The following PCDH15 variants were observed in gnomAD, a reference collection of about 807,000 sequenced individuals.
PCDH15 encodes the protein protocadherin-15.
In PCDH15, 129 loss-of-function variants were observed where a neutral mutation model predicts 178.5. That is an observed-to-expected ratio of 0.72 (90% CI 0.63 to 0.84). The LOEUF (loss-of-function observed/expected upper bound fraction) is 0.84. PCDH15 is among the 40% of genes least tolerant of loss of function. The pLI is 0.00. For synonymous variants in PCDH15, 800 were observed against 732.0 expected (o/e 1.09, Z -1.50); for missense variants, 2,230 against 2,099.9 (o/e 1.06, Z -1.21).
chr10:54,243,148 A>G (rs998078212), intron 8 of PCDH15, among the ~76,000 whole-genome samples: 10 of 152,162 alleles, frequency 6.6e-5, no homozygotes, highest in Admixed American at 5.9e-4. Context: ...ACATTTAAGT[A>G]GGTGCTTTTT....
chr10:54,125,170 T>C (rs188914672), intron 15 of PCDH15, among the ~76,000 whole-genome samples: 5 of 152,188 alleles, frequency 3.3e-5, no homozygotes, highest in Admixed American at 3.3e-4. Context: ...TCCCTTCAGG[T>C]AACTGGAGGT....
At chr10:55,361,936 AC>A (rs1845240134) in intron 2 of PCDH15, among the ~76,000 whole-genome samples, 1 of 152,084 alleles carries the variant, frequency 6.6e-6, no homozygotes, top group South Asian at 2.1e-4. Flanking sequence ...TATTACGTTT[AC>A]CATGGACCTT....
chr10:54,954,519 GA>G (rs553725816), intron 2 of PCDH15, among the ~76,000 whole-genome samples: 115 of 151,202 alleles, frequency 7.6e-4, no homozygotes, highest in African/African-American at 2.7e-3. Context: ...TTTTATGACA[GA>G]ACCTTGTCTT....
At chr10:55,207,180 T>C (rs1195950095) in intron 1 of PCDH15, among the ~76,000 whole-genome samples, 4 of 152,094 alleles carry the variant, frequency 2.6e-5, no homozygotes, top group African/African-American at 9.7e-5. Context: ...ATTTAGCACT[T>C]ACAACATGAT....
chr10:54,051,598 G>C lies in PCDH15; in HGVS notation c.2220+15159C>G, dbSNP rs894209531. On this transcript the variant is annotated intron_variant, in intron 18 of 37. Transcript: ENST00000644397. ...TTGTGGAAATTTCTAAGTGCCAAAG[G>C]GTTCAAGAGAAAACAGAGCATTAAA... Among the ~76,000 whole-genome samples, 5 of 152,116 alleles carry C rather than the reference G, an allele frequency of 3.3e-5. No individual in the cohort carries two copies. In the East Asian group the frequency reaches 5.8e-4, roughly 18 times the overall value.
At chr10:55,189,454 G>A (rs1164393242) in intron 1 of PCDH15, among the ~76,000 whole-genome samples, 1 of 151,716 alleles carries the variant, frequency 6.6e-6, no homozygotes, top group African/African-American at 2.4e-5. Flanking sequence ...TTGCTATAGA[G>A]ATAATTAAAT....
chr10:54,189,234 T>C, intron 11 of PCDH15: 1 of 596,240 alleles, frequency 1.7e-6, no homozygotes, highest in East Asian at 3.0e-5. Context: ...TTATATAAAG[T>C]ATTTGTAGAT....
chr10:53,827,694 T>TTG, intron 31 of PCDH15, 146 bp from the exon 32 acceptor site: 1 of 968,140 alleles, frequency 1.0e-6, no homozygotes, highest in Non-Finnish European at 1.6e-6. Context: ...ACAGATGTAA[T>TTG]TACAAAAGCA....
intron 23 of PCDH15, among the ~76,000 whole-genome samples, chr10:53,955,076 C>T (rs1406034632): frequency 6.6e-6 from 1 of 152,150 alleles, no homozygotes; most frequent in African/African-American, 2.4e-5. Context: ...GCATTCCTCT[C>T]CCCTAGTTAG....
chr10:55,358,304 A>G lies in PCDH15; in HGVS notation c.-155-191653T>C, dbSNP rs1034900629. The stretch of plus-strand genomic sequence containing the variant: ...ATTTGAATGATTTGCATGATTCTCT[A>G]TTAGCAAGGATGGTAGAAATGTTAG... On this transcript the variant is annotated intron_variant, in intron 2 of 5. Coordinates refer to the PCDH15 transcript ENST00000613346. Among the ~76,000 whole-genome samples the G allele has an allele frequency of 3.9e-5, 6 of 152,270 alleles. No homozygotes were observed. In the Middle Eastern group the frequency reaches 0.01, roughly 261 times the overall value.
intron 1 of PCDH15, among the ~76,000 whole-genome samples, chr10:55,240,098 C>T (rs1841500225): frequency 6.6e-6 from 1 of 151,946 alleles, no homozygotes; most frequent in South Asian, 2.1e-4. Context: ...ATTAGTATAC[C>T]CACTGTGAAT....
intron 4 of PCDH15, among the ~76,000 whole-genome samples, chr10:54,376,890 CAAAAATTTTCACT>C (rs1316184938): frequency 6.6e-6 from 1 of 151,828 alleles, no homozygotes; most frequent in Non-Finnish European, 1.5e-5. Flanking sequence ...GATGCATGTA[CAAAAATTTTCACT>C]GCAGCATTTT....
chr10:55,444,532 A>T (rs553047844), intron 2 of PCDH15, among the ~76,000 whole-genome samples: 73 of 152,230 alleles, frequency 4.8e-4, no homozygotes, highest in Non-Finnish European at 8.2e-4. Context: ...TAAAAGAAAA[A>T]TAAAAACATT....
intron 1 of PCDH15, among the ~76,000 whole-genome samples, chr10:54,755,186 C>A (rs1283840482): frequency 6.6e-6 from 1 of 152,036 alleles, no homozygotes; most frequent in African/African-American, 2.4e-5. Context: ...CCTGCCTCGG[C>A]CTCCCAAAAT....
intron 18 of PCDH15, among the ~76,000 whole-genome samples, chr10:54,065,984 G>A (rs912187905): frequency 3.3e-5 from 5 of 152,158 alleles, no homozygotes; most frequent in African/African-American, 1.2e-4. Flanking sequence ...TCACAGGGAA[G>A]GAGTAGGACC....
intron 8 of PCDH15, among the ~76,000 whole-genome samples, chr10:54,276,367 C>T (rs1049227487): frequency 8.6e-5 from 13 of 151,506 alleles, no homozygotes; most frequent in African/African-American, 2.9e-4. Flanking sequence ...AGAGAAAATC[C>T]AACTGAATAC....
At chr10:55,582,741 C>T (rs1040009658) in intron 2 of PCDH15, among the ~76,000 whole-genome samples, 19 of 149,216 alleles carry the variant, frequency 1.3e-4, no homozygotes, top group African/African-American at 4.4e-4. Flanking sequence ...AATGTGGCTT[C>T]GAATAAATAA....
rs374235783 is a variant in PCDH15, at chr10:53,815,489, G to A, written c.4491+750C>T. ...CAAATTTTATGGAGCCCTCTCCATG[G>A]AAATTTTTGCTAAAACCTTATAAAA... On this transcript the variant is annotated intron_variant, in intron 35 of 37. Transcript: ENST00000644397. Among the ~76,000 whole-genome samples, 36 of 152,166 alleles carry A rather than the reference G, an allele frequency of 2.4e-4. No individual in the cohort carries two copies. In the East Asian group the frequency reaches 5.6e-3, roughly 24 times the overall value.
In PCDH15 at chr10:54,823,206, A is replaced by AACACAC. The variant is rs4007188; in HGVS notation, c.-29+74238_-29+74243dup. ...ATATATTTTTTAAAACACCAGCATA[A>AACACAC]ACACACACACACACACACACGCACA... is the stretch of plus-strand genomic sequence containing the variant. On this transcript the variant is annotated intron_variant, in intron 3 of 5. Coordinates refer to the PCDH15 transcript ENST00000458638. Among the ~76,000 whole-genome samples, 933 of 149,002 alleles carry AACACAC rather than the reference A, an allele frequency of 6.3e-3. 9 individuals are homozygous for AACACAC. Among genetic ancestry groups the AACACAC allele is most frequent in the African/African-American group, 0.02 (818 of 40,660 alleles).
Sources: gnomAD v4.1 joint callset for allele counts (sites outside exome capture counted in the v4.1 genomes callset) on GRCh38, gnomAD v4.1.1 for gene constraint, MANE v1.5 for transcripts, NCBI Gene and HGNC (gene_info 2026-07-23, HGNC 2026-07-21) for gene names.